Variants in SLA observed in about 807,000 individuals in gnomAD.
The protein encoded by SLA is Src like adaptor.
A neutral mutation model predicts 30.3 loss-of-function variants in SLA; 16 were observed. The ratio of observed to expected loss-of-function variants is 0.53; its 90% CI spans 0.36 to 0.80. SLA has a LOEUF of 0.80. Ranked by LOEUF, SLA falls within the 30% of genes least tolerant of loss-of-function variation. The probability of loss-of-function intolerance (pLI) is 0.01; values close to 1 mark genes in which losing one functional copy is unlikely to be tolerated. For missense variants in SLA, 310 were observed against 345.2 expected (o/e 0.90, Z 0.81); for synonymous variants, 143 against 137.8 (o/e 1.04, Z -0.26).
In SLA at chr8:133,050,004, C is replaced by A. The variant is rs777022466; in HGVS notation, c.162-16G>T. 6.4e-7 allele frequency: 1 copy of A among 1,554,278 alleles called. No homozygotes were observed. Among genetic ancestry groups the A allele is most frequent in the South Asian group, 1.1e-5 (1 of 90,028 alleles). ...GCCCCCTTCACTGTAAGAACAAGAA[C>A]AGAGAAGAACACAGAGATAGGTAAA... On this transcript the variant is annotated splice_polypyrimidine_tract_variant and intron_variant, in intron 4 of 8. Transcript: ENST00000338087.
chr8:133,045,889 A>T (rs995465063), intron 6 of SLA, among the ~76,000 whole-genome samples: 37 of 152,186 alleles, frequency 2.4e-4, no homozygotes, highest in Admixed American at 2.0e-4. Context: ...ATGCTGCCAC[A>T]GCACACATTT....
At chr8:133,085,520 TAACTC>T (rs1846386789) in intron 1 of SLA, among the ~76,000 whole-genome samples, 1 of 152,062 alleles carries the variant, frequency 6.6e-6, no homozygotes, top group African/African-American at 2.4e-5. Flanking sequence ...AAAAGACAGA[TAACTC>T]AATCTGAAAA....
At chr8:133,065,644 C>T (rs1450436095) in intron 2 of SLA, among the ~76,000 whole-genome samples, 1 of 152,020 alleles carries the variant, frequency 6.6e-6, no homozygotes, top group Non-Finnish European at 1.5e-5. Flanking sequence ...TGCCTGTAAT[C>T]CCAACTACTC....
At chr8:133,101,084 G>T (rs2979021) in intron 1 of SLA, among the ~76,000 whole-genome samples, 47,823 of 151,894 alleles carry the variant, frequency 0.31, 8,169 homozygotes, top group African/African-American at 0.44. Flanking sequence ...GGCAGGAGTG[G>T]GGAGGGTGGC....
intron 7 of SLA, among the ~76,000 whole-genome samples, chr8:133,041,286 G>A (rs1838180173): frequency 6.6e-6 from 1 of 152,222 alleles, no homozygotes; most frequent in Non-Finnish European, 1.5e-5. Flanking sequence ...GGTTTATGGA[G>A]TGCTCTCTGG....
chr8:133,095,123 T>A (rs1848207535), intron 1 of SLA: 1 of 1,613,920 alleles, frequency 6.2e-7, no homozygotes, highest in Non-Finnish European at 8.5e-7. Flanking sequence ...GCAAAGGAGG[T>A]CAGTTGCCCC....
rs765931953 is a variant in SLA, at chr8:133,094,242, CTT to C, written c.-319+8309_-319+8310del. Among the ~76,000 whole-genome samples, 1,012 of 126,542 alleles carry C rather than the reference CTT, an allele frequency of 8.0e-3. 6 individuals are homozygous for C. The highest frequency in any genetic ancestry group is 0.023 in the African/African-American group (772 of 34,054). The allele number at this position is 126,542 out of a possible 152,430, so 83.0% of individuals were successfully genotyped here. On this transcript the variant is annotated intron_variant, in intron 1 of 8. Transcript: ENST00000338087. ...TTAGAAAGAAGAAACCTGTCGTTTT[CTT>C]TTTTTTTTTTTTTTTTGATGGAGTC...
At chr8:133,057,831 TC>T in intron 3 of SLA, among the ~76,000 whole-genome samples, 1 of 151,502 alleles carries the variant, frequency 6.6e-6, no homozygotes, top group Non-Finnish European at 1.5e-5. Flanking sequence ...GCATTCACTG[TC>T]CTGGCTTGGG....
chr8:133,039,468 C>T (rs1231451610), intron 8 of SLA, among the ~76,000 whole-genome samples: 3 of 152,132 alleles, frequency 2.0e-5, no homozygotes, highest in Admixed American at 6.5e-5. Flanking sequence ...TGGATTGATA[C>T]TGAATTATTA....
At chr8:133,079,332 C>T (rs889748196) in intron 1 of SLA, among the ~76,000 whole-genome samples, 1 of 152,218 alleles carries the variant, frequency 6.6e-6, no homozygotes, top group Non-Finnish European at 1.5e-5. Flanking sequence ...CAAATAATAA[C>T]AATGCCAGCC....
At chr8:133,045,387 C>CTTTTTTTTTTTTTT (rs5895172) in intron 6 of SLA, among the ~76,000 whole-genome samples, 1 of 65,868 alleles carries the variant, frequency 1.5e-5, no homozygotes, top group Non-Finnish European at 2.6e-5. Flanking sequence ...ATCCTCTTTG[C>CTTTTTTTTTTTTTT]TTTTTTTTTT....
chr8:133,100,793 A>G (rs1369491751), intron 1 of SLA, among the ~76,000 whole-genome samples: 1 of 152,198 alleles, frequency 6.6e-6, no homozygotes, highest in Non-Finnish European at 1.5e-5. Flanking sequence ...GGGCTTTCCA[A>G]TTCTACCCAC....
Position 133,045,127 on chromosome 8 carries a change from G to T in SLA, c.353-12C>A, listed in dbSNP as rs749173139. 1.9e-6 allele frequency: 3 copies of T among 1,613,916 alleles called. No homozygotes were observed. Among genetic ancestry groups the T allele is most frequent in the Non-Finnish European group, 2.5e-6 (3 of 1,179,894 alleles). On this transcript the variant is annotated splice_polypyrimidine_tract_variant and intron_variant, in intron 6 of 8. Transcript: ENST00000338087. ...CAGTGAGTAAAACCCTGCAGGAGGT[G>T]GAGGATAAGTCAGTGGGCTCCACCT... is the stretch of plus-strand genomic sequence containing the variant.
intron 1 of SLA, among the ~76,000 whole-genome samples, chr8:133,093,885 A>G (rs73354638): frequency 0.036 from 5,489 of 152,278 alleles, 340 homozygotes; most frequent in African/African-American, 0.13. Flanking sequence ...AATTGCTGTG[A>G]GGGTCTGATG....
In SLA at chr8:133,075,125, C is replaced by A; in HGVS notation, c.-313G>T. On this transcript the variant is annotated 5_prime_UTR_variant, in exon 2 of 9. Transcript: ENST00000338087. ...ACCACTCTGAGCAAGCTTCTCTCTG[C>A]AAGGACTGGGAAGATAGATGGGTTA... is the stretch of plus-strand genomic sequence containing the variant. The A allele has an allele frequency of 6.1e-6, 6 of 985,386 alleles. No individual in the cohort carries two copies. The highest frequency in any genetic ancestry group is 7.2e-6 in the Non-Finnish European group (6 of 829,906). The allele number at this position is 985,386 out of a possible 1,614,324, so 61.0% of individuals were successfully genotyped here. A position where few individuals can be genotyped will look rare whatever the true frequency, so the allele number is the denominator to read the frequency against.
At position 133,094,342 on chromosome 8, in the gene SLA, G is replaced by A. The variant is rs567361709; in HGVS notation, c.-319+8211C>T. Among the ~76,000 whole-genome samples the A allele has an allele frequency of 1.6e-4, 23 of 145,084 alleles. No individual in the cohort carries two copies. In the South Asian group the frequency reaches 3.8e-3, roughly 24 times the overall value. ...TGCAAGCTCCGCCTCCCGGGTTCAC[G>A]CCATTCTCCTACCTCAGCCTCCCAA... On this transcript the variant is annotated intron_variant, in intron 1 of 8. Transcript: ENST00000338087.
chr8:133,097,972 G>T (rs374562527), intron 1 of SLA, among the ~76,000 whole-genome samples: 2 of 152,106 alleles, frequency 1.3e-5, no homozygotes, highest in South Asian at 2.1e-4. Context: ...GTGTTGCAAG[G>T]GGGGGTGTCA....
At chr8:133,040,911 C>T (rs777211085) in intron 7 of SLA, among the ~76,000 whole-genome samples, 16 of 152,176 alleles carry the variant, frequency 1.1e-4, no homozygotes, top group Non-Finnish European at 1.5e-4. Flanking sequence ...TAAATAAACC[C>T]GTTTCTTTTT....
At chr8:133,056,871 G>A (rs1841530357) in intron 3 of SLA, among the ~76,000 whole-genome samples, 1 of 152,142 alleles carries the variant, frequency 6.6e-6, no homozygotes, top group Admixed American at 6.5e-5. Flanking sequence ...CAAGCTTTAG[G>A]GGTTACAGAG....
Sources: allele counts gnomAD v4.1 joint callset (sites outside exome capture counted in the v4.1 genomes callset), GRCh38; gene constraint gnomAD v4.1.1; transcripts MANE v1.5; gene names NCBI Gene and HGNC (gene_info 2026-07-23, HGNC 2026-07-21).